PLEKHA7: variants seen among roughly 807,000 people sequenced by gnomAD.
PLEKHA7 encodes pleckstrin homology domain containing A7.
PLEKHA7 carries 104 observed loss-of-function variants against 170.0 expected under a neutral mutation model. The observed-to-expected ratio is 0.61, with a 90% confidence interval of 0.52 to 0.72. The LOEUF (loss-of-function observed/expected upper bound fraction) is 0.72. Ranked by LOEUF, PLEKHA7 falls within the 30% of genes least tolerant of loss-of-function variation. The pLI is 0.00. For synonymous variants in PLEKHA7, 648 were observed against 660.8 expected, an observed-to-expected ratio of 0.98 and a Z score of 0.30; for missense variants, 1,615 against 1,671.7, an observed-to-expected ratio of 0.97 and a Z score of 0.59.
chr11:16,959,240 G>A (rs1392444513), intron 3 of PLEKHA7, among the ~76,000 whole-genome samples: 1 of 111,436 alleles, frequency 9.0e-6, no homozygotes, highest in African/African-American at 4.8e-5. Flanking sequence ...TCCCCCTCAG[G>A]TAGACCCCAG....
chr11:16,880,517 A>T (rs2135784622), intron 3 of PLEKHA7, among the ~76,000 whole-genome samples: 1 of 152,296 alleles, frequency 6.6e-6, no homozygotes, highest in East Asian at 1.9e-4. Context: ...GCCTTTTTCC[A>T]CATTGCAGAC....
chr11:16,869,729 G>C (rs949248759), intron 4 of PLEKHA7, among the ~76,000 whole-genome samples: 5 of 152,190 alleles, frequency 3.3e-5, no homozygotes, highest in African/African-American at 1.2e-4. Context: ...GATGGGCAAT[G>C]AGTATATTGA....
At chr11:16,943,024 A>T (rs1860793632) in intron 3 of PLEKHA7, among the ~76,000 whole-genome samples, 2 of 152,194 alleles carry the variant, frequency 1.3e-5, no homozygotes, top group Admixed American at 1.3e-4. Flanking sequence ...TTACCTTTTG[A>T]ATTTGAAAAC....
chr11:16,906,560 T>C (rs1044439977), intron 3 of PLEKHA7, among the ~76,000 whole-genome samples: 1 of 138,564 alleles, frequency 7.2e-6, no homozygotes, highest in Non-Finnish European at 1.5e-5. Context: ...TAACCGCGAG[T>C]GATCTGCCAG....
chr11:16,982,018 C>G (rs981446906), intron 3 of PLEKHA7, among the ~76,000 whole-genome samples: 1 of 152,208 alleles, frequency 6.6e-6, no homozygotes. Context: ...GAAGGACAGA[C>G]GGTGGTGAGA....
intron 9 of PLEKHA7, among the ~76,000 whole-genome samples, chr11:16,828,653 C>G (rs1322862243): frequency 2.0e-5 from 3 of 152,176 alleles, no homozygotes; most frequent in Non-Finnish European, 1.5e-5. Flanking sequence ...CTCTCCAACC[C>G]CCACACTGTA....
intron 3 of PLEKHA7, among the ~76,000 whole-genome samples, chr11:16,891,844 C>T (rs945685871): frequency 4.1e-4 from 62 of 152,190 alleles, no homozygotes; most frequent in African/African-American, 1.4e-3. Context: ...ACTGAAGCAA[C>T]TGGAGTTTTC....
chr11:16,832,287 T>C (rs1362060195), intron 9 of PLEKHA7, among the ~76,000 whole-genome samples: 1 of 152,070 alleles, frequency 6.6e-6, no homozygotes, highest in Admixed American at 6.6e-5. Flanking sequence ...GTTCTATTTC[T>C]AGCAACCAAA....
chr11:16,866,650 G>A (rs912584366), intron 4 of PLEKHA7, among the ~76,000 whole-genome samples: 8 of 152,148 alleles, frequency 5.3e-5, no homozygotes, highest in Admixed American at 1.3e-4. Context: ...TGGACATGAA[G>A]CAAACATGAG....
At chr11:16,998,037 C>A (rs1167730317) in intron 3 of PLEKHA7, among the ~76,000 whole-genome samples, 2 of 152,170 alleles carry the variant, frequency 1.3e-5, no homozygotes, top group East Asian at 3.9e-4. Flanking sequence ...CTGGACTCAA[C>A]CTCCCTGAGC....
intron 10 of PLEKHA7, among the ~76,000 whole-genome samples, chr11:16,821,679 C>G (rs1213964301): frequency 6.6e-6 from 1 of 151,960 alleles, no homozygotes; most frequent in African/African-American, 2.4e-5. Flanking sequence ...GCACCTAGAT[C>G]TATTTATGAC....
intron 8 of PLEKHA7, chr11:16,842,593 G>GTA (rs1852057870): frequency 3.2e-5 from 1 of 30,986 alleles, no homozygotes; most frequent in Admixed American, 5.2e-4. Flanking sequence ...ATGTATCCTT[G>GTA]CAAAAAAAAA....
intron 3 of PLEKHA7, among the ~76,000 whole-genome samples, chr11:16,928,254 G>C (rs775986188): frequency 1.1e-4 from 17 of 152,072 alleles, no homozygotes; most frequent in African/African-American, 3.9e-4. Context: ...AGGTTGCAGC[G>C]AGCTATGATT....
intron 3 of PLEKHA7, among the ~76,000 whole-genome samples, chr11:16,960,528 G>A (rs931866257): frequency 2.0e-5 from 3 of 152,074 alleles, no homozygotes; most frequent in Non-Finnish European, 2.9e-5. Flanking sequence ...TGAGGCAAGC[G>A]TCGCCCTAGG....
At position 17,014,216 on chromosome 11, in the gene PLEKHA7, G is replaced by T. The variant is rs1440930771; in HGVS notation, c.87-15C>A. 1 of 1,528,964 alleles carries T rather than the reference G, an allele frequency of 6.5e-7. No homozygotes were observed. The highest frequency in any genetic ancestry group is 2.1e-5 in the Admixed American group (1 of 46,628). 94.7% of individuals were successfully genotyped at this position (1,528,964 alleles called of 1,614,324 possible). Reference sequence around the variant, plus strand: ...GGAGCTGGTCACTGCGGGCAGAGAGGTGCACCTGTTAGCGCCGCCACAGCC... The same window carrying T: ...GGAGCTGGTCACTGCGGGCAGAGAGTTGCACCTGTTAGCGCCGCCACAGCC... On this transcript the variant is annotated splice_polypyrimidine_tract_variant and intron_variant, in intron 1 of 26. Transcript: ENST00000531066.
chr11:16,841,180 C>T (rs766485350), intron 9 of PLEKHA7, among the ~76,000 whole-genome samples: 2 of 152,168 alleles, frequency 1.3e-5, no homozygotes, highest in Non-Finnish European at 2.9e-5. Flanking sequence ...AGAGAGGGAG[C>T]AACCGGAAGA....
rs149324371 is a variant in PLEKHA7 at position 16,976,928 on chromosome 11, A to T, written c.221+37061T>A. On this transcript the variant is annotated intron_variant, in intron 3 of 26. Coordinates refer to ENST00000531066, the MANE Select transcript of PLEKHA7 (RefSeq NM_001329630.2). ...CGTATGCTTGCATGCCAGCCATTCA[A>T]GCTGAGCACCTGGCAGTGTGCAGTT... is the stretch of plus-strand genomic sequence containing the variant. Among the ~76,000 whole-genome samples the T allele has an allele frequency of 8.2e-3, 1,255 of 152,346 alleles. 7 individuals are homozygous for T. The highest frequency in any genetic ancestry group is 0.014 in the Middle Eastern group (4 of 294).
intron 8 of PLEKHA7, among the ~76,000 whole-genome samples, chr11:16,849,288 T>A (rs373636): frequency 0.67 from 102,011 of 152,130 alleles, 34,451 homozygotes; most frequent in East Asian, 0.87. Flanking sequence ...AAGATAAAAA[T>A]TATATATATA....
intron 3 of PLEKHA7, among the ~76,000 whole-genome samples, chr11:16,896,506 C>T (rs1368171128): frequency 1.3e-5 from 2 of 152,124 alleles, no homozygotes; most frequent in Non-Finnish European, 2.9e-5. Flanking sequence ...GTTAACTCTA[C>T]TTCCTATATC....
Sources: allele counts gnomAD v4.1 joint callset (sites outside exome capture counted in the v4.1 genomes callset), GRCh38; gene constraint gnomAD v4.1.1; transcripts MANE v1.5; gene names NCBI Gene and HGNC (gene_info 2026-07-23, HGNC 2026-07-21).